MED26: variants seen among roughly 807,000 people sequenced by gnomAD.
MED26 encodes the protein mediator of RNA polymerase II transcription subunit 26.
A neutral mutation model predicts 43.7 loss-of-function variants in MED26; 7 were observed. The ratio of observed to expected loss-of-function variants is 0.16; its 90% CI spans 0.09 to 0.30. The LOEUF is 0.30. MED26 is among the 10% of genes least tolerant of loss of function. The probability of loss-of-function intolerance (pLI) is 1.00; values close to 1 mark genes in which losing one functional copy is unlikely to be tolerated. For missense variants in MED26, 784 were observed against 840.6 expected (o/e 0.93, Z 0.83); for synonymous variants, 375 against 371.1 (o/e 1.01, Z -0.12).
At chr19:16,581,059 G>A (rs2086042673) in intron 1 of MED26, among the ~76,000 whole-genome samples, 1 of 152,154 alleles carries the variant, frequency 6.6e-6, no homozygotes, top group Non-Finnish European at 1.5e-5. Context: ...CTTCCAGTGG[G>A]AGGCAGCCAC....
At chr19:16,626,533 A>AT (rs2086276305) in intron 1 of MED26, among the ~76,000 whole-genome samples, 1 of 152,218 alleles carries the variant, frequency 6.6e-6, no homozygotes, top group Admixed American at 6.5e-5. Context: ...AGAAGTACTT[A>AT]TATCACAGCA....
chr19:16,600,312 A>G (rs1434389798), intron 1 of MED26, among the ~76,000 whole-genome samples: 1 of 152,166 alleles, frequency 6.6e-6, no homozygotes, highest in Non-Finnish European at 1.5e-5. Flanking sequence ...CCCTCTAGTG[A>G]TGCATTAACA....
rs369798896 is a variant in MED26, at chr19:16,576,326, C to T, written c.1504G>A (p.Ala502Thr). ...RQSSLLSSSG[A>T]QTPGAHHFMS... is the part of the protein sequence containing the mutation. ...AAGTGGTGAGCCCCTGGGGTCTGCGCGCCCGATGATGAGAGCAGGCTGCTC... is the reference window on the plus strand; with the variant it reads ...AAGTGGTGAGCCCCTGGGGTCTGCGTGCCCGATGATGAGAGCAGGCTGCTC... Residue 502 changes from alanine to threonine, a missense_variant, in exon 3 of 3, where the codon GCG (alanine) becomes ACG (threonine). Ala to Thr is a moderately conservative substitution (Grantham distance 58). Transcript: ENST00000263390. The surrounding 1 kb of genome is among the most constrained non-coding windows in gnomAD (Gnocchi z 6.8). The T allele has an allele frequency of 1.0e-4, 163 of 1,613,750 alleles. No individual in the cohort carries two copies. Among genetic ancestry groups the T allele is most frequent in the Non-Finnish European group, 1.2e-4 (144 of 1,180,024 alleles).
At chr19:16,595,799 G>A (rs1307259274) in intron 1 of MED26, among the ~76,000 whole-genome samples, 1 of 152,180 alleles carries the variant, frequency 6.6e-6, no homozygotes, top group Non-Finnish European at 1.5e-5. Context: ...ACAGCTAAAT[G>A]TTCTATTAAT....
intron 1 of MED26, chr19:16,611,769 T>C (rs2086200510): frequency 6.6e-6 from 1 of 152,120 alleles, no homozygotes; most frequent in African/African-American, 2.4e-5. Flanking sequence ...TTTGACTCTG[T>C]GGATGCACCA....
At chr19:16,591,829 C>T (rs2086099142) in intron 1 of MED26, among the ~76,000 whole-genome samples, 1 of 152,204 alleles carries the variant, frequency 6.6e-6, no homozygotes, top group South Asian at 2.1e-4. Flanking sequence ...TGGTTTTCTC[C>T]TATGGGAATT....
chr19:16,622,154 ATTC>A (rs1249167149), intron 1 of MED26, among the ~76,000 whole-genome samples: 4 of 152,218 alleles, frequency 2.6e-5, no homozygotes, highest in African/African-American at 9.7e-5. Flanking sequence ...GCCATCTCAT[ATTC>A]TTAAGAATTC....
intron 1 of MED26, among the ~76,000 whole-genome samples, chr19:16,584,094 T>C (rs944644439): frequency 6.6e-6 from 1 of 151,766 alleles, no homozygotes; most frequent in African/African-American, 2.4e-5. Flanking sequence ...ACATGAGAAC[T>C]TAAAAAGGCT....
chr19:16,577,273 C>A lies in MED26; in HGVS notation c.557G>T (p.Ser186Ile). 6.2e-7 allele frequency: 1 copy of A among 1,612,366 alleles called. No homozygotes were observed. Among genetic ancestry groups the A allele is most frequent in the Non-Finnish European group, 8.5e-7 (1 of 1,179,208 alleles). The change falls in exon 3 of 3, where the codon AGT (serine) becomes ATT (isoleucine). Residue 186 changes from serine to isoleucine, a missense_variant. Coordinates refer to ENST00000263390, the MANE Select transcript of MED26 (RefSeq NM_004831.5). This position sits in a 1 kb window ranked among gnomAD's most constrained non-coding sequence, Gnocchi z 8.1. ...GCTGGCGAAGCTCTCTGGACTCCCACTGATCCCGTTGGTGGGGAGGGGGGA... is the reference window on the plus strand; with the variant it reads ...GCTGGCGAAGCTCTCTGGACTCCCAATGATCCCGTTGGTGGGGAGGGGGGA... ...NSSPLPTNGI[S>I]GSPESFASSL...
intron 1 of MED26, among the ~76,000 whole-genome samples, chr19:16,623,884 C>T (rs2086262088): frequency 6.6e-6 from 1 of 152,186 alleles, no homozygotes; most frequent in Admixed American, 6.5e-5. Context: ...GAAACAAAAG[C>T]ATTTTATCCT....
intron 1 of MED26, among the ~76,000 whole-genome samples, chr19:16,595,790 C>G (rs925707640): frequency 2.6e-5 from 4 of 152,228 alleles, no homozygotes; most frequent in Non-Finnish European, 4.4e-5. Context: ...TCATGTCTAA[C>G]AGCTAAATGT....
At chr19:16,606,544 G>A (rs1002668783) in intron 1 of MED26, among the ~76,000 whole-genome samples, 14 of 151,922 alleles carry the variant, frequency 9.2e-5, no homozygotes, top group African/African-American at 2.9e-4. Flanking sequence ...GCGAGACTCC[G>A]TCTCAAAAAA....
intron 1 of MED26, among the ~76,000 whole-genome samples, chr19:16,623,375 G>T (rs2086259922): frequency 6.6e-6 from 1 of 152,162 alleles, no homozygotes; most frequent in Non-Finnish European, 1.5e-5. Flanking sequence ...TACTATTTTG[G>T]ATAGGGTCAG....
chr19:16,606,829 G>A (rs942975362), intron 1 of MED26, among the ~76,000 whole-genome samples: 5 of 152,204 alleles, frequency 3.3e-5, no homozygotes, highest in African/African-American at 1.2e-4. Flanking sequence ...ACTTTTGCAG[G>A]TTTGGTGGGA....
chr19:16,616,059 G>A (rs1177572500), intron 1 of MED26, among the ~76,000 whole-genome samples: 1 of 152,162 alleles, frequency 6.6e-6, no homozygotes, highest in East Asian at 1.9e-4. Flanking sequence ...AATGGGCATG[G>A]ACTGGAGAGA....
At position 16,586,353 on chromosome 19, in the gene MED26, C is replaced by T. The variant is rs534154541; in HGVS notation, c.73-7944G>A. On this transcript the variant is annotated intron_variant, in intron 1 of 2. Transcript: ENST00000263390. This position sits in a 1 kb window ranked among gnomAD's most constrained non-coding sequence, Gnocchi z 5.1. ...TAGAAGATGGTGAGGCCTGGCCTTC[C>T]ACTAGCCTGACATGGCTACCAAACA... 1.6e-4 allele frequency among the ~76,000 whole-genome samples: 25 copies of T among 152,360 alleles called. 1 individual carries two copies. The highest frequency in any genetic ancestry group is 5.8e-4 in the African/African-American group (24 of 41,598).
chr19:16,626,052 T>C (rs2086273444), intron 1 of MED26, among the ~76,000 whole-genome samples: 1 of 152,130 alleles, frequency 6.6e-6, no homozygotes, highest in Non-Finnish European at 1.5e-5. Context: ...ATTTGTTCCA[T>C]CCTCCTTTCT....
chr19:16,627,408 T>A (rs1369079600), intron 1 of MED26, among the ~76,000 whole-genome samples: 19 of 152,026 alleles, frequency 1.2e-4, no homozygotes, highest in Admixed American at 1.2e-3. Flanking sequence ...AAGAAGGACT[T>A]CCCTGATCAC....
intron 1 of MED26, among the ~76,000 whole-genome samples, chr19:16,592,447 G>A (rs2086102103): frequency 6.6e-6 from 1 of 152,216 alleles, no homozygotes; most frequent in Non-Finnish European, 1.5e-5. Context: ...CCAGGCTGGT[G>A]GGGGACGTAC....
Sources: gnomAD v4.1 joint callset for allele counts (sites outside exome capture counted in the v4.1 genomes callset) on GRCh38, gnomAD v4.1.1 for gene constraint, Gnocchi (gnomAD v3.1) non-coding constraint, MANE v1.5 for transcripts, NCBI Gene and HGNC (gene_info 2026-07-23, HGNC 2026-07-21) for gene names.